PARP9: variants seen among roughly 807,000 people sequenced by gnomAD.
The protein encoded by PARP9 is poly(ADP-ribose) polymerase family member 9.
Under a neutral mutation model 68.8 loss-of-function variants are expected in PARP9, and 48 were observed. The observed-to-expected ratio is 0.70, with a 90% CI of 0.55 to 0.89. The LOEUF is 0.89. PARP9 is among the 40% of genes least tolerant of loss of function. The pLI is 0.00. For missense variants in PARP9, 806 were observed against 969.3 expected (o/e 0.83, Z 2.24); for synonymous variants, 309 against 333.8 (o/e 0.93, Z 0.81).
At chr3:122,536,368 A>T (rs756623652) in intron 9 of PARP9, 26 bp from the exon 10 acceptor site, 24 of 1,606,820 alleles carry the variant, frequency 1.5e-5, no homozygotes, top group Non-Finnish European at 2.0e-5. Flanking sequence ...AGAAAGACTG[A>T]AAAAGAGGCT....
In PARP9 at chr3:122,549,700, G is replaced by C. The variant is rs886554648; in HGVS notation, c.1326+884C>G. Among the ~76,000 whole-genome samples the C allele has an allele frequency of 3.3e-5, 5 of 152,150 alleles. No homozygotes were observed. In the South Asian group the frequency reaches 6.2e-4, roughly 19 times the overall value. ...AGAGGCTGGAGTGGGAGGATCACTTGAGCCCAGGAGTTCAAGACTGCAGTG... is the reference window on the plus strand; with the variant it reads ...AGAGGCTGGAGTGGGAGGATCACTTCAGCCCAGGAGTTCAAGACTGCAGTG... On this transcript the variant is annotated intron_variant, in intron 6 of 10. Coordinates refer to ENST00000682323, the MANE Select transcript of PARP9 (RefSeq NM_001146105.2).
At chr3:122,548,603 C>G (rs748151652) in intron 6 of PARP9, among the ~76,000 whole-genome samples, 2 of 152,176 alleles carry the variant, frequency 1.3e-5, no homozygotes, top group African/African-American at 4.8e-5. Context: ...CAGAACAGCA[C>G]TGCAATATAT....
chr3:122,533,665 T>C (rs1359278138), intron 10 of PARP9: 2 of 983,184 alleles, frequency 2.0e-6, no homozygotes, highest in African/African-American at 3.5e-5. Context: ...AGAATGTGCT[T>C]AATAAATACC....
At chr3:122,548,585 T>C (rs1005983500) in intron 6 of PARP9, among the ~76,000 whole-genome samples, 2 of 152,232 alleles carry the variant, frequency 1.3e-5, no homozygotes, top group African/African-American at 4.8e-5. Flanking sequence ...TGGTCGGTAC[T>C]TTAAAGGCAG....
rs35040036 is a variant in PARP9, at chr3:122,545,643, C to T, written c.1327-154G>A. 3.7e-3 allele frequency: 2,473 copies of T among 674,546 alleles called. 9 individuals are homozygous for T. The highest frequency in any genetic ancestry group is 5.3e-3 in the Non-Finnish European group (2,022 of 383,790). The allele number at this position is 674,546 out of a possible 1,614,324, so 41.8% of individuals were successfully genotyped here. On this transcript the variant is annotated intron_variant, in intron 6 of 10. Coordinates refer to ENST00000682323, the MANE Select transcript of PARP9 (RefSeq NM_001146105.2). ...TCTAAAGCAGCCTTTAGGAAAGTCC[C>T]AGAGAAGAGGACCTCAGTCTATTAG...
At chr3:122,531,795 T>A (rs1296261257) in intron 10 of PARP9, 1 of 152,188 alleles carries the variant, frequency 6.6e-6, no homozygotes, top group Admixed American at 6.5e-5. Flanking sequence ...TTTATTATTT[T>A]ATTTTGTTTA....
intron 10 of PARP9, among the ~76,000 whole-genome samples, chr3:122,530,359 A>C (rs1559794956): frequency 1.3e-5 from 2 of 152,158 alleles, no homozygotes; most frequent in African/African-American, 4.8e-5. Flanking sequence ...ACAATACCTC[A>C]TGAAGAATCT....
intron 10 of PARP9, among the ~76,000 whole-genome samples, chr3:122,530,296 G>T (rs982794671): frequency 6.6e-6 from 1 of 152,198 alleles, no homozygotes; most frequent in South Asian, 2.1e-4. Flanking sequence ...GATTTGGAAG[G>T]ACAGAGGCAT....
intron 8 of PARP9, among the ~76,000 whole-genome samples, chr3:122,539,832 G>A (rs188067222): frequency 1.2e-3 from 187 of 152,066 alleles, no homozygotes; most frequent in Admixed American, 3.5e-3. Context: ...CCAAAGTGCC[G>A]GGATTACAGG....
intron 9 of PARP9, 59 bp downstream of exon 9, chr3:122,536,875 T>C: frequency 6.4e-7 from 1 of 1,557,378 alleles, no homozygotes; most frequent in African/African-American, 1.4e-5. Flanking sequence ...TTCCTTTGGC[T>C]ACAGAAACAA....
intron 7 of PARP9, among the ~76,000 whole-genome samples, chr3:122,543,436 C>A (rs1195914030): frequency 1.3e-5 from 2 of 151,882 alleles, no homozygotes; most frequent in Non-Finnish European, 2.9e-5. Flanking sequence ...TGCCACCATG[C>A]CCGGCTAATT....
intron 1 of PARP9, among the ~76,000 whole-genome samples, chr3:122,562,349 ATT>A (rs58857328): frequency 2.1e-5 from 3 of 142,628 alleles, no homozygotes. Context: ...CGCCTGGCTA[ATT>A]TTTTTTTTTT....
At chr3:122,563,353 C>T (rs529161289) in intron 1 of PARP9, among the ~76,000 whole-genome samples, 3 of 152,030 alleles carry the variant, frequency 2.0e-5, no homozygotes, top group East Asian at 3.9e-4. Flanking sequence ...GTTGCAAAGA[C>T]GTGGTATGAT....
At chr3:122,556,184 A>G (rs2079647611) in intron 3 of PARP9, 63 bp from the exon 4 acceptor site, 2 of 1,136,902 alleles carry the variant, frequency 1.8e-6, no homozygotes, top group Admixed American at 2.9e-5. Context: ...GCACAGTTTG[A>G]AAGGTTGTAA....
At chr3:122,558,597 G>A (rs919785167) in intron 2 of PARP9, 130 bp from the exon 3 acceptor site, 58 of 1,094,190 alleles carry the variant, frequency 5.3e-5, no homozygotes, top group Non-Finnish European at 6.9e-5. Flanking sequence ...GGGAGGGCAG[G>A]AAGCATGTGT....
chr3:122,540,995 A>G, intron 7 of PARP9, 143 bp from the exon 8 acceptor site: 1 of 881,940 alleles, frequency 1.1e-6, no homozygotes, highest in Non-Finnish European at 1.7e-6. Flanking sequence ...GGTTCACGCC[A>G]TTCTCCTGCC....
At chr3:122,562,484 C>T (rs529575372) in intron 1 of PARP9, among the ~76,000 whole-genome samples, 65 of 152,126 alleles carry the variant, frequency 4.3e-4, no homozygotes, top group Admixed American at 9.2e-4. Context: ...TGAGCCACCG[C>T]GCCCAGCCAT....
At chr3:122,537,096 C>T (rs2077703922) in intron 8 of PARP9, 23 bp from the exon 9 acceptor site, 1 of 1,586,544 alleles carries the variant, frequency 6.3e-7, no homozygotes. Context: ...AACACAAAAA[C>T]TTTACTTCAA....
chr3:122,550,709 C>T lies in PARP9; in HGVS notation c.1201G>A (p.Glu401Lys), dbSNP rs1395645353. 1 of 1,613,994 alleles carries T rather than the reference C, an allele frequency of 6.2e-7. No homozygotes were observed. Among genetic ancestry groups the T allele is most frequent in the Non-Finnish European group, 8.5e-7 (1 of 1,180,000 alleles). The stretch of plus-strand genomic sequence containing the variant: ...TCTGCTGCTGTTTCCTTCTTTATTT[C>T]CATGTTTCCAGTCCCAAGGGCAGGA... ...SFPALGTGNM[E>K]IKKETAAEIL... Residue 401 changes from glutamate (E) to lysine (K), a missense_variant, in exon 6 of 11, where the codon GAA becomes AAA. Transcript: ENST00000682323.
Sources: gnomAD v4.1 joint callset for allele counts (sites outside exome capture counted in the v4.1 genomes callset) on GRCh38, gnomAD v4.1.1 for gene constraint, MANE v1.5 for transcripts, NCBI Gene and HGNC (gene_info 2026-07-23, HGNC 2026-07-21) for gene names.